SEC31A: variants seen among roughly 807,000 people sequenced by gnomAD.
The protein encoded by SEC31A is protein transport protein Sec31A.
SEC31A carries 70 observed loss-of-function variants against 151.0 expected under a neutral mutation model. The observed-to-expected ratio is 0.46, with a 90% confidence interval of 0.38 to 0.57. The LOEUF (loss-of-function observed/expected upper bound fraction) is 0.57, where lower values mean the gene tolerates loss of function less well. Ranked by LOEUF, SEC31A falls within the 20% of genes least tolerant of loss-of-function variation. SEC31A has a pLI of 0.00. For synonymous variants in SEC31A, 475 were observed against 505.9 expected (o/e 0.94, Z 0.82); for missense variants, 1,330 against 1,471.2 (o/e 0.90, Z 1.57).
chr4:82,882,440 T>C (rs866663585), intron 1 of SEC31A, among the ~76,000 whole-genome samples: 9 of 143,696 alleles, frequency 6.3e-5, no homozygotes, highest in Middle Eastern at 7.3e-3. Context: ...AAAGACAAAC[T>C]TGATAAACCA....
intron 21 of SEC31A, 65 bp from the exon 22 acceptor site, chr4:82,842,546 A>C: frequency 8.2e-7 from 1 of 1,220,682 alleles, no homozygotes; most frequent in Non-Finnish European, 1.1e-6. Flanking sequence ...GTAGCAGAAA[A>C]CTAAAAAGTT....
chr4:82,842,566 T>A, intron 21 of SEC31A, 85 bp from the exon 22 acceptor site: 1 of 980,660 alleles, frequency 1.0e-6, no homozygotes, highest in Non-Finnish European at 1.5e-6. Context: ...TATCTCAGTC[T>A]ATAGAAATGA....
In SEC31A at chr4:82,867,274, T is replaced by C. The variant is rs765672555; in HGVS notation, c.925A>G (p.Ile309Val). Reference protein sequence around the residue: ...LPTNTQWCFDIQWCPRNPAVL... With the variant: ...LPTNTQWCFDVQWCPRNPAVL... ...GCAGGATTTCGGGGACACCACTGAA[T>C]ATCGAAGCACCACTGTGTGTTGGTG... is the stretch of plus-strand genomic sequence containing the variant. Residue 309 changes from isoleucine (I) to valine (V), a missense_variant, in exon 9 of 27, where the codon ATT becomes GTT. Ile to Val is a conservative substitution (Grantham distance 29). Coordinates refer to ENST00000395310, the MANE Select transcript of SEC31A (RefSeq NM_001077207.4). 1.8e-5 allele frequency: 29 copies of C among 1,614,160 alleles called. No homozygotes were observed. The highest frequency in any genetic ancestry group is 2.4e-5 in the Non-Finnish European group (28 of 1,180,036).
chr4:82,864,786 T>C (rs966020276), intron 10 of SEC31A, among the ~76,000 whole-genome samples, 188 bp from the exon 11 acceptor site: 1 of 152,040 alleles, frequency 6.6e-6, no homozygotes, highest in Admixed American at 6.6e-5. Flanking sequence ...TGGTTTTTTT[T>C]TTTTTGAGAC....
intron 10 of SEC31A, among the ~76,000 whole-genome samples, chr4:82,865,718 G>T (rs923116848): frequency 6.6e-6 from 1 of 151,994 alleles, no homozygotes; most frequent in Non-Finnish European, 1.5e-5. Context: ...CCATTTATAT[G>T]AGTAATTTAA....
At chr4:82,876,111 T>C (rs970981313) in intron 4 of SEC31A, among the ~76,000 whole-genome samples, 18 of 10,874 alleles carry the variant, frequency 1.7e-3, no homozygotes, top group African/African-American at 3.4e-3. Context: ...TAAATTCTTT[T>C]TTTTTTTTTT....
At chr4:82,825,473 G>A (rs1230670968) in intron 24 of SEC31A, among the ~76,000 whole-genome samples, 2 of 152,202 alleles carry the variant, frequency 1.3e-5, no homozygotes, top group Non-Finnish European at 2.9e-5. Context: ...GCTCTCTCAG[G>A]AAATTTTACT....
At chr4:82,900,276 T>C (rs1720259555) in intron 1 of SEC31A, 1 of 155,312 alleles carries the variant, frequency 6.4e-6, no homozygotes, top group Non-Finnish European at 1.4e-5. Flanking sequence ...TCATATATTT[T>C]TGGCCCGACT....
intron 24 of SEC31A, among the ~76,000 whole-genome samples, chr4:82,826,487 G>A (rs1211927635): frequency 6.6e-6 from 1 of 152,192 alleles, no homozygotes. Flanking sequence ...CCGAGTAGCT[G>A]GGACTACAGG....
intron 22 of SEC31A, among the ~76,000 whole-genome samples, chr4:82,837,647 A>G (rs1225523112): frequency 6.6e-6 from 1 of 152,146 alleles, no homozygotes; most frequent in African/African-American, 2.4e-5. Context: ...GCCCCAAGAA[A>G]CATTCATTTA....
intron 13 of SEC31A, 197 bp from the exon 14 acceptor site, chr4:82,861,905 CTTTTTTTTTTT>C (rs33968103): frequency 5.6e-4 from 50 of 89,690 alleles, no homozygotes; most frequent in Middle Eastern, 0.015. Context: ...CTTTCCCATT[CTTTTTTTTTTT>C]TTTTTTTTTT....
chr4:82,856,857 A>C, intron 16 of SEC31A, 95 bp downstream of exon 16: 1 of 1,024,292 alleles, frequency 9.8e-7, no homozygotes, highest in Non-Finnish European at 1.4e-6. Context: ...AAAATTCTTT[A>C]CTGGTTTCTG....
intron 14 of SEC31A, 144 bp downstream of exon 14, chr4:82,861,486 AG>A: frequency 7.1e-6 from 4 of 566,138 alleles, no homozygotes; most frequent in Non-Finnish European, 9.8e-6. Flanking sequence ...ATAGGTAGAT[AG>A]ATTCCTATCC....
chr4:82,879,751 G>A (rs1738851672), intron 3 of SEC31A, among the ~76,000 whole-genome samples: 4 of 152,114 alleles, frequency 2.6e-5, no homozygotes, highest in Admixed American at 2.6e-4. Context: ...AGGCAATAAA[G>A]CTTATTTTAT....
chr4:82,825,357 C>A (rs1406267309), intron 24 of SEC31A, among the ~76,000 whole-genome samples: 2 of 152,118 alleles, frequency 1.3e-5, no homozygotes, highest in African/African-American at 4.8e-5. Context: ...GGAAGAGGCA[C>A]AGTTTAAAAA....
chr4:82,866,193 G>A lies in SEC31A; in HGVS notation c.1197+615C>T, dbSNP rs150533188. Among the ~76,000 whole-genome samples the A allele has an allele frequency of 9.9e-3, 1,512 of 152,160 alleles. 13 individuals are homozygous for A. The highest frequency in any genetic ancestry group is 0.012 in the Non-Finnish European group (809 of 67,982). On this transcript the variant is annotated intron_variant, in intron 10 of 26. Transcript: ENST00000395310. ...GACAAATTTAAAAGGGAGGAGGGCC[G>A]GGTGCAGTGACTCATGCCTGTAATC...
At chr4:82,846,067 G>A (rs961346231) in intron 20 of SEC31A, among the ~76,000 whole-genome samples, 9 of 152,014 alleles carry the variant, frequency 5.9e-5, no homozygotes, top group Non-Finnish European at 1.0e-4. Flanking sequence ...GCAGTGGTGC[G>A]ATCTCAGCTC....
intron 3 of SEC31A, 51 bp from the exon 4 acceptor site, chr4:82,878,979 A>G (rs1486230598): frequency 1.4e-6 from 2 of 1,427,666 alleles, no homozygotes; most frequent in Non-Finnish European, 1.9e-6. Flanking sequence ...AAATAAATGT[A>G]GACAAAAAAT....
intron 19 of SEC31A, among the ~76,000 whole-genome samples, chr4:82,849,191 T>A (rs532681649): frequency 2.0e-5 from 3 of 152,326 alleles, no homozygotes; most frequent in Non-Finnish European, 4.4e-5. Flanking sequence ...CAACTTGTAA[T>A]TTAACTGAGG....
Sources: allele counts gnomAD v4.1 joint callset (sites outside exome capture counted in the v4.1 genomes callset), GRCh38; gene constraint gnomAD v4.1.1; transcripts MANE v1.5; gene names NCBI Gene and HGNC (gene_info 2026-07-23, HGNC 2026-07-21).